Variants in GPBP1L1 observed in about 807,000 individuals in gnomAD.
GPBP1L1 encodes GC-rich promoter binding protein 1 like 1.
GPBP1L1 carries 23 observed loss-of-function variants against 52.5 expected under a neutral mutation model. The observed-to-expected ratio is 0.44, with a 90% CI of 0.32 to 0.62. The LOEUF (loss-of-function observed/expected upper bound fraction) is 0.62. Ranked by LOEUF, GPBP1L1 falls within the 20% of genes least tolerant of loss-of-function variation. GPBP1L1 has a pLI of 0.06. For synonymous variants in GPBP1L1, 243 were observed against 203.1 expected, an observed-to-expected ratio of 1.20 and a Z score of -1.67; for missense variants, 596 against 579.3, an observed-to-expected ratio of 1.03 and a Z score of -0.30.
At chr1:45,666,460 T>C (rs1645012636) in intron 2 of GPBP1L1, among the ~76,000 whole-genome samples, 1 of 152,174 alleles carries the variant, frequency 6.6e-6, no homozygotes, top group Non-Finnish European at 1.5e-5. Context: ...AGTACTTTAA[T>C]TGTGCCTATT....
In GPBP1L1 at chr1:45,640,293, G is replaced by A. The variant is rs1395014142; in HGVS notation, c.661C>T (p.His221Tyr). 1 of 1,614,074 alleles carries A rather than the reference G, an allele frequency of 6.2e-7. No individual in the cohort carries two copies. Among genetic ancestry groups the A allele is most frequent in the Admixed American group, 1.7e-5 (1 of 60,016 alleles). Residue 221 changes from histidine to tyrosine, a missense_variant, in exon 8 of 13, where the codon CAT (histidine) becomes TAT (tyrosine). Coordinates refer to ENST00000355105, the MANE Select transcript of GPBP1L1 (RefSeq NM_021639.5). ...GATGACAATTTGTTCCCATTTGCAT[G>A]GTGAGATCCTGGTGAGGTGAATGCA... ...SAAFTSPGSH[H>Y]ANGNKLSSVV...
chr1:45,675,234 T>C (rs1223641691), intron 2 of GPBP1L1, among the ~76,000 whole-genome samples: 3 of 151,742 alleles, frequency 2.0e-5, no homozygotes, highest in African/African-American at 4.8e-5. Flanking sequence ...GAGGCGGAGG[T>C]TGCAGTGAGC....
chr1:45,668,783 G>A (rs190018016), intron 2 of GPBP1L1, among the ~76,000 whole-genome samples: 2 of 152,244 alleles, frequency 1.3e-5, no homozygotes, highest in East Asian at 1.9e-4. Context: ...CACCAGCCTA[G>A]GCAAAATAGG....
chr1:45,633,049 T>C (rs1644550194), intron 10 of GPBP1L1, among the ~76,000 whole-genome samples: 1 of 152,186 alleles, frequency 6.6e-6, no homozygotes, highest in Non-Finnish European at 1.5e-5. Context: ...AAATTCTCAT[T>C]TATTGCTGGT....
chr1:45,645,823 C>G, intron 6 of GPBP1L1: 1 of 440,460 alleles, frequency 2.3e-6, no homozygotes, highest in Non-Finnish European at 4.3e-6. Context: ...TCCCTAGAAA[C>G]AAAATCCAAG....
intron 2 of GPBP1L1, among the ~76,000 whole-genome samples, chr1:45,682,908 T>C (rs1307224951): frequency 6.6e-6 from 1 of 152,208 alleles, no homozygotes; most frequent in African/African-American, 2.4e-5. Context: ...AAGTCTGATT[T>C]AGAAGTAACT....
At chr1:45,682,467 T>C (rs1645222803) in intron 2 of GPBP1L1, among the ~76,000 whole-genome samples, 1 of 152,220 alleles carries the variant, frequency 6.6e-6, no homozygotes, top group Non-Finnish European at 1.5e-5. Flanking sequence ...GTGGTTTTTA[T>C]CTTAGAAAAG....
At chr1:45,629,026 T>C (rs558240063) in intron 12 of GPBP1L1, among the ~76,000 whole-genome samples, 3 of 152,326 alleles carry the variant, frequency 2.0e-5, no homozygotes, top group Non-Finnish European at 4.4e-5. Flanking sequence ...GCCATGCCCC[T>C]TTTAAGGACT....
chr1:45,628,332 G>A lies in GPBP1L1; in HGVS notation c.1349C>T (p.Thr450Ile). Residue 450 changes from threonine to isoleucine, a missense_variant, in exon 13 of 13, where the codon ACT becomes ATT. Thr to Ile is a moderately conservative substitution (Grantham distance 89, BLOSUM62 -1). Transcript: ENST00000355105. ...SSSLFSPWRS[T>I]CKAEFEDSDT... ...TGAGTCCTCAAACTCTGCTTTGCAAGTGCTTCTCCAAGGGGAGAACAGACT... is the reference window on the plus strand; with the variant it reads ...TGAGTCCTCAAACTCTGCTTTGCAAATGCTTCTCCAAGGGGAGAACAGACT... 1.2e-6 allele frequency: 2 copies of A among 1,614,064 alleles called. No individual in the cohort carries two copies. Among genetic ancestry groups the A allele is most frequent in the Non-Finnish European group, 1.7e-6 (2 of 1,179,990 alleles).
chr1:45,645,579 A>G (rs1644733399), intron 6 of GPBP1L1, among the ~76,000 whole-genome samples: 1 of 152,172 alleles, frequency 6.6e-6, no homozygotes, highest in Non-Finnish European at 1.5e-5. Context: ...TACTATGTCC[A>G]GATTGTGAGA....
chr1:45,632,892 C>A (rs931851764), intron 10 of GPBP1L1, among the ~76,000 whole-genome samples: 1 of 152,108 alleles, frequency 6.6e-6, no homozygotes, highest in African/African-American at 2.4e-5. Flanking sequence ...GGGACCTGAA[C>A]AAACACATCA....
intron 7 of GPBP1L1, 47 bp from the exon 8 acceptor site, chr1:45,640,450 T>C (rs375592941): frequency 1.9e-4 from 282 of 1,493,996 alleles, no homozygotes; most frequent in Non-Finnish European, 2.2e-4. Context: ...AAACCTGTTG[T>C]GTAACATGAA....
intron 7 of GPBP1L1, among the ~76,000 whole-genome samples, chr1:45,641,293 T>C (rs745691382): frequency 6.6e-6 from 1 of 152,022 alleles, no homozygotes; most frequent in Non-Finnish European, 1.5e-5. Flanking sequence ...AGAGTCCAAT[T>C]TGTAAATGCC....
At chr1:45,663,390 A>ACAC (rs1460071658) in intron 2 of GPBP1L1, among the ~76,000 whole-genome samples, 1 of 152,178 alleles carries the variant, frequency 6.6e-6, no homozygotes, top group African/African-American at 2.4e-5. Flanking sequence ...CAACTGACAC[A>ACAC]CACCACCACC....
At chr1:45,629,811 T>A (rs1385232016) in intron 11 of GPBP1L1, 133 bp from the exon 12 acceptor site, 6 of 636,852 alleles carry the variant, frequency 9.4e-6, no homozygotes, top group Non-Finnish European at 1.4e-5. Flanking sequence ...TTTTCCTCCC[T>A]GTGGGACAAG....
At chr1:45,687,624 G>A (rs978698417), upstream of GPBP1L1, 1 of 152,256 alleles carries the variant, frequency 6.6e-6, no homozygotes, top group Non-Finnish European at 1.5e-5. Context: ...TAAAGCCGAG[G>A]GCAGTAGGAG....
intron 2 of GPBP1L1, among the ~76,000 whole-genome samples, chr1:45,677,009 G>T (rs1018291446): frequency 4.0e-5 from 6 of 151,332 alleles, no homozygotes; most frequent in African/African-American, 1.5e-4. Flanking sequence ...GAGCCACATG[G>T]TAAGATCTCT....
chr1:45,635,042 T>C (rs1437809183), intron 8 of GPBP1L1: 2 of 152,206 alleles, frequency 1.3e-5, no homozygotes, highest in South Asian at 4.1e-4. Flanking sequence ...GCTTTCTTGA[T>C]TGATGGGTAT....
chr1:45,672,180 A>G (rs539211130), intron 2 of GPBP1L1, among the ~76,000 whole-genome samples: 11 of 152,160 alleles, frequency 7.2e-5, no homozygotes, highest in Non-Finnish European at 1.6e-4. Context: ...GGCCAACACT[A>G]TGAAACCATG....
Sources: gnomAD v4.1 joint callset for allele counts (sites outside exome capture counted in the v4.1 genomes callset) on GRCh38, gnomAD v4.1.1 for gene constraint, MANE v1.5 for transcripts, NCBI Gene and HGNC (gene_info 2026-07-23, HGNC 2026-07-21) for gene names.